Variants in CFAP410 observed in about 807,000 individuals in gnomAD.
CFAP410 encodes cilia- and flagella-associated protein 410.
In CFAP410, 27 loss-of-function variants were observed where a neutral mutation model predicts 25.7. That is an observed-to-expected ratio of 1.05 (90% CI 0.77 to 1.45). The LOEUF (loss-of-function observed/expected upper bound fraction) is 1.45, where lower values mean the gene tolerates loss of function less well. Among genes scored for constraint, CFAP410 ranks in the 40% most tolerant of loss-of-function variants. The probability of loss-of-function intolerance (pLI) is 0.00; values close to 1 mark genes in which losing one functional copy is unlikely to be tolerated. For synonymous variants in CFAP410, 178 were observed against 158.4 expected (o/e 1.12, Z -0.93); for missense variants, 428 against 354.1 (o/e 1.21, Z -1.67).
At chr21:44,332,684 A>G (rs574100879) in intron 4 of CFAP410, 1 of 293,628 alleles carries the variant, frequency 3.4e-6, no homozygotes, top group South Asian at 7.0e-5. Context: ...CTTGCCAGAT[A>G]CTGACGCCCC....
chr21:44,334,068 A>G, intron 3 of CFAP410: 1 of 455,478 alleles, frequency 2.2e-6, no homozygotes, highest in Non-Finnish European at 4.4e-6. Flanking sequence ...TACCAAGAGC[A>G]AAACTCCGGC....
Position 44,339,369 on chromosome 21 carries a change from G to T in CFAP410, c.-175C>A. On this transcript the variant is annotated 5_prime_UTR_variant, in exon 1 of 7. Coordinates refer to ENST00000339818, the MANE Select transcript of CFAP410 (RefSeq NM_004928.3). Reference sequence around the variant, plus strand: ...ACGCGAGCCCGCTGGGGCCGCTTGGGCGCCGCTGACACGTTGGCTCTGCTC... The same window carrying T: ...ACGCGAGCCCGCTGGGGCCGCTTGGTCGCCGCTGACACGTTGGCTCTGCTC... 2.3e-6 allele frequency: 1 copy of T among 426,174 alleles called. No individual in the cohort carries two copies. The highest frequency in any genetic ancestry group is 6.2e-4 in the Middle Eastern group (1 of 1,606). The allele number at this position is 426,174 out of a possible 1,614,324, so 26.4% of individuals were successfully genotyped here. A position where few individuals can be genotyped will look rare whatever the true frequency, so the allele number is the denominator to read the frequency against.
At chr21:44,337,609 A>G (rs373807541) in intron 2 of CFAP410, 40 bp downstream of exon 2, 28 of 1,591,290 alleles carry the variant, frequency 1.8e-5, no homozygotes, top group Non-Finnish European at 2.2e-5. Context: ...CTATTTGGAG[A>G]TGATCAGTGC....
At chr21:44,330,763 T>G in intron 6 of CFAP410, 60 bp downstream of exon 6, 1 of 1,550,482 alleles carries the variant, frequency 6.4e-7, no homozygotes, top group Non-Finnish European at 8.7e-7. Context: ...TCCCCACGGT[T>G]TCTGTGCAGT....
chr21:44,335,632 A>C (rs1367809614), intron 3 of CFAP410, 126 bp downstream of exon 3: 1 of 743,792 alleles, frequency 1.3e-6, no homozygotes, highest in East Asian at 2.7e-5. Flanking sequence ...CCCCTTCTGG[A>C]AGCCGCCCTC....
intron 5 of CFAP410, 47 bp from the exon 6 acceptor site, chr21:44,330,966 C>CG (rs71326048): frequency 0.044 from 64,487 of 1,474,680 alleles, 1,601 homozygotes; most frequent in Non-Finnish European, 0.049. Context: ...CTCGTGGCAC[C>CG]GGGGGGGCCT....
Position 44,330,506 on chromosome 21 carries a change from C to T in CFAP410, c.643-180G>A, listed in dbSNP as rs538357108. On this transcript the variant is annotated intron_variant, in intron 6 of 6. Coordinates refer to ENST00000339818, the MANE Select transcript of CFAP410 (RefSeq NM_004928.3). ...TGAGCAGAGGAGCCCCGCCTGTGGA[C>T]GCGTGTGTGGCACCTCTTCCACGTG... 4.5e-5 allele frequency: 70 copies of T among 1,545,596 alleles called. No individual in the cohort carries two copies. The highest frequency in any genetic ancestry group is 1.4e-4 in the African/African-American group (10 of 73,120).
At chr21:44,332,273 A>G in intron 4 of CFAP410, 1 of 430,394 alleles carries the variant, frequency 2.3e-6, no homozygotes, top group South Asian at 5.5e-5. Context: ...AGAAGCAAAT[A>G]CTCCTCAAAA....
chr21:44,331,004 C>T, intron 5 of CFAP410, 85 bp from the exon 6 acceptor site: 2 of 1,238,722 alleles, frequency 1.6e-6, no homozygotes, highest in Admixed American at 2.5e-5. Context: ...GGGTCGCATC[C>T]AAGCAAAGGA....
In CFAP410 at chr21:44,337,168, G is replaced by C. The variant is rs75584847; in HGVS notation, c.96+481C>G. The stretch of plus-strand genomic sequence containing the variant: ...TTTTGGACTGAGAAAGACAATGAGG[G>C]AGAGAAGAAAAAAATCTTTCACAGA... On this transcript the variant is annotated intron_variant, in intron 2 of 6. Transcript: ENST00000339818. 6.7e-3 allele frequency among the ~76,000 whole-genome samples: 1,026 copies of C among 152,202 alleles called. 13 individuals carry two copies. The highest frequency in any genetic ancestry group is 0.023 in the African/African-American group (966 of 41,516).
Position 44,337,629 on chromosome 21 carries a change from A to G in CFAP410, c.96+20T>C. 1.2e-6 allele frequency: 2 copies of G among 1,609,782 alleles called. No individual in the cohort carries two copies. Among genetic ancestry groups the G allele is most frequent in the Non-Finnish European group, 8.5e-7 (1 of 1,176,536 alleles). On this transcript the variant is annotated intron_variant, in intron 2 of 6. Transcript: ENST00000339818. ...TGGAGATGATCAGTGCAATACTTAC[A>G]TCTGTGAGGCAATACTTACATCTGT...
chr21:44,333,918 G>GCGTC (rs1465612496), intron 3 of CFAP410: 1 of 359,646 alleles, frequency 2.8e-6, no homozygotes, highest in Non-Finnish European at 5.5e-6. Context: ...GGCTGCACTC[G>GCGTC]CGTCCGGCAG....
At chr21:44,332,749 AAAG>A (rs2146066541) in intron 4 of CFAP410, 1 of 501,928 alleles carries the variant, frequency 2.0e-6, no homozygotes, top group Non-Finnish European at 3.6e-6. Context: ...CACAGAAGCA[AAAG>A]AAGGAACCCT....
Position 44,330,854 on chromosome 21 carries a change from G to A in CFAP410, c.611C>T (p.Ala204Val). 2 of 1,606,972 alleles carry A rather than the reference G, an allele frequency of 1.2e-6. No individual in the cohort carries two copies. The highest frequency in any genetic ancestry group is 1.7e-6 in the Non-Finnish European group (2 of 1,176,648). ...PSRGQFPSLS[A>V]RDASSSHRGR... ...CCTGTGGCTGCTCGAGGCATCCCTGGCTGAGAGGGAAGGAAACTGGCCCCG... is the reference window on the plus strand; with the variant it reads ...CCTGTGGCTGCTCGAGGCATCCCTGACTGAGAGGGAAGGAAACTGGCCCCG... Residue 204 changes from alanine to valine, a missense_variant, in exon 6 of 7, where the codon GCC (alanine) becomes GTC (valine). By Grantham distance (64) the Ala-to-Val change is moderately conservative. Coordinates refer to ENST00000339818, the MANE Select transcript of CFAP410 (RefSeq NM_004928.3).
chr21:44,337,754 T>A (rs2047782653), intron 1 of CFAP410, 87 bp from the exon 2 acceptor site: 1 of 1,080,536 alleles, frequency 9.3e-7, no homozygotes, highest in East Asian at 2.4e-5. Flanking sequence ...CACCGATGAC[T>A]CCCTACAAAC....
In CFAP410 at chr21:44,331,805, G is replaced by A. The variant is rs767560634; in HGVS notation, c.545+38C>T. On this transcript the variant is annotated intron_variant, in intron 5 of 6. Transcript: ENST00000339818. The stretch of plus-strand genomic sequence containing the variant: ...CCCGTGGGAGGACCCTGGGGGACAG[G>A]GATGGGCTGCGGAGTCCCCGCTGCC... The A allele has an allele frequency of 1.8e-5, 29 of 1,595,114 alleles. No homozygotes were observed. The East Asian group carries it at 4.1e-4, about 22-fold the overall frequency.
chr21:44,333,144 G>C lies in CFAP410; in HGVS notation c.262C>G (p.Arg88Gly), dbSNP rs922950652. 6.2e-7 allele frequency: 1 copy of C among 1,612,256 alleles called. No individual in the cohort carries two copies. Among genetic ancestry groups the C allele is most frequent in the African/African-American group, 1.3e-5 (1 of 74,934 alleles). Residue 88 changes from arginine to glycine, a missense_variant, in exon 4 of 7, where the codon CGT becomes GGT. Transcript: ENST00000339818. Reference protein sequence around the residue: ...AELFYLKGLPRLRVLWLAENP... With the variant: ...AELFYLKGLPGLRVLWLAENP... ...TCGGCCAGCCACAGCACCCGCAGAC[G>C]CGGCAGCCCCTTCAGGTAGAAGAGC...
chr21:44,330,756 C>T, intron 6 of CFAP410, 67 bp downstream of exon 6: 1 of 1,551,884 alleles, frequency 6.4e-7, no homozygotes, highest in Middle Eastern at 1.7e-4. Context: ...TGCTCCCTCC[C>T]CACGGTTTCT....
chr21:44,333,093 G>C lies in CFAP410; in HGVS notation c.313C>G (p.His105Asp), dbSNP rs1001751336. ...AENPCCGTSP[H>D]RYRMTVLRTL... ...CGCAGCACGGTCATGCGGTAGCGGT[G>C]GGGGCTGGTGCCGCAGCACGGGTTC... The change falls in exon 4 of 7, where the codon CAC becomes GAC. Residue 105 changes from histidine (H) to aspartate (D), a missense_variant. Physicochemically the swap from His to Asp is moderately conservative, Grantham distance 81. Transcript: ENST00000339818. 6 of 1,609,814 alleles carry C rather than the reference G, an allele frequency of 3.7e-6. No homozygotes were observed. The highest frequency in any genetic ancestry group is 4.2e-6 in the Non-Finnish European group (5 of 1,178,590).
Sources: gnomAD v4.1 joint callset for allele counts (sites outside exome capture counted in the v4.1 genomes callset) on GRCh38, gnomAD v4.1.1 for gene constraint, MANE v1.5 for transcripts, NCBI Gene and HGNC (gene_info 2026-07-23, HGNC 2026-07-21) for gene names.